UBASH3A: variants seen among roughly 807,000 people sequenced by gnomAD.
UBASH3A encodes ubiquitin-associated and SH3 domain-containing protein A.
In UBASH3A, 63 loss-of-function variants were observed where a neutral mutation model predicts 73.5. The ratio of observed to expected loss-of-function variants is 0.86; its 90% CI spans 0.70 to 1.06. The LOEUF (loss-of-function observed/expected upper bound fraction) is 1.06. Ranked by LOEUF, UBASH3A falls within the 50% of genes least tolerant of loss-of-function variation. UBASH3A has a pLI of 0.00. For synonymous variants in UBASH3A, 363 were observed against 351.1 expected, an observed-to-expected ratio of 1.03 and a Z score of -0.38; for missense variants, 860 against 859.0, an observed-to-expected ratio of 1.00 and a Z score of -0.02.
intron 7 of UBASH3A, among the ~76,000 whole-genome samples, chr21:42,422,008 A>G (rs1296159969): frequency 1.3e-5 from 2 of 152,212 alleles, no homozygotes; most frequent in Non-Finnish European, 2.9e-5. Flanking sequence ...TTTAAGTATT[A>G]TATTTCTTTT....
intron 7 of UBASH3A, among the ~76,000 whole-genome samples, chr21:42,424,028 A>G (rs1322689016): frequency 6.6e-6 from 1 of 152,146 alleles, no homozygotes; most frequent in Non-Finnish European, 1.5e-5. Flanking sequence ...TCGGAAAATG[A>G]TCCTTGAATG....
intron 5 of UBASH3A, among the ~76,000 whole-genome samples, chr21:42,415,455 C>T (rs1038991391): frequency 1.3e-5 from 2 of 152,202 alleles, no homozygotes; most frequent in African/African-American, 4.8e-5. Flanking sequence ...TCACCTCTCA[C>T]GTGGGAGACA....
At chr21:42,441,888 G>A (rs2053752545) in intron 11 of UBASH3A, among the ~76,000 whole-genome samples, 1 of 152,184 alleles carries the variant, frequency 6.6e-6, no homozygotes, top group Admixed American at 6.5e-5. Context: ...AAAAGAGATG[G>A]CCTTACTTTA....
At chr21:42,422,703 T>G (rs1480417365) in intron 7 of UBASH3A, among the ~76,000 whole-genome samples, 2 of 152,218 alleles carry the variant, frequency 1.3e-5, no homozygotes, top group East Asian at 3.8e-4. Context: ...ATATATTGAT[T>G]TGAAAAAATA....
chr21:42,404,110 C>A (rs1406203791), intron 1 of UBASH3A, 52 bp downstream of exon 1: 14 of 1,113,966 alleles, frequency 1.3e-5, no homozygotes. Context: ...TGGTGCCAGA[C>A]CCTGCTGCGG....
intron 11 of UBASH3A, among the ~76,000 whole-genome samples, chr21:42,437,849 C>T (rs556204545): frequency 6.6e-6 from 1 of 152,202 alleles, no homozygotes; most frequent in Non-Finnish European, 1.5e-5. Context: ...CTTTGGCCTC[C>T]GTCAGCTAGG....
chr21:42,445,015 G>A (rs1357834184), intron 14 of UBASH3A, among the ~76,000 whole-genome samples: 1 of 152,216 alleles, frequency 6.6e-6, no homozygotes, highest in Non-Finnish European at 1.5e-5. Context: ...GGGGCAGGGC[G>A]GCTGATGGAT....
chr21:42,436,150 T>G (rs1300560771), intron 10 of UBASH3A, among the ~76,000 whole-genome samples: 2 of 151,784 alleles, frequency 1.3e-5, no homozygotes, highest in Non-Finnish European at 2.9e-5. Context: ...ATTATAGAGT[T>G]ATAGAGCTAT....
rs1426431920 is a variant in UBASH3A, at chr21:42,434,963, G to A, written c.1393+9G>A. ...CCAGTCCAGAATTGCAGGTATGTTT[G>A]AGGACTGTCTAGTAGGAAAGGTAAC... On this transcript the variant is annotated intron_variant, in intron 10 of 14. Coordinates refer to ENST00000319294, the MANE Select transcript of UBASH3A (RefSeq NM_018961.4). 3 of 1,613,826 alleles carry A rather than the reference G, an allele frequency of 1.9e-6. No individual in the cohort carries two copies. Among genetic ancestry groups the A allele is most frequent in the Non-Finnish European group, 2.5e-6 (3 of 1,179,900 alleles).
At chr21:42,405,104 T>G (rs902190912) in intron 1 of UBASH3A, among the ~76,000 whole-genome samples, 1 of 152,194 alleles carries the variant, frequency 6.6e-6, no homozygotes, top group African/African-American at 2.4e-5. Context: ...TAACAAAAGC[T>G]TGGCCAAATT....
At position 42,410,345 on chromosome 21, in the gene UBASH3A, A is replaced by G. The variant is rs756051652; in HGVS notation, c.354+737A>G. The G allele has an allele frequency of 5.6e-5, 33 of 587,996 alleles. 1 individual carries two copies. Among genetic ancestry groups the G allele is most frequent in the Non-Finnish European group, 9.4e-5 (31 of 330,056 alleles). The allele number at this position is 587,996 out of a possible 1,614,324, so 36.4% of individuals were successfully genotyped here. A position where few individuals can be genotyped will look rare whatever the true frequency, so the allele number is the denominator to read the frequency against. On this transcript the variant is annotated intron_variant, in intron 3 of 14. Transcript: ENST00000319294. ...CTTCTGCTACCGCGGCCTGGCCCCA[A>G]CTCTGCTGTTGGCAAACTGATTTGT...
chr21:42,437,457 G>A (rs779013939), intron 10 of UBASH3A, 31 bp from the exon 11 acceptor site: 2 of 1,590,052 alleles, frequency 1.3e-6, no homozygotes, highest in Non-Finnish European at 1.7e-6. Flanking sequence ...ATTATGAAGG[G>A]GCATTTTCTG....
intron 3 of UBASH3A, among the ~76,000 whole-genome samples, chr21:42,411,739 A>C (rs1227116183): frequency 6.6e-6 from 1 of 152,260 alleles, no homozygotes; most frequent in Non-Finnish European, 1.5e-5. Flanking sequence ...TTGATGCTGT[A>C]AAATGAAAAC....
chr21:42,410,196 A>G (rs942957437), intron 3 of UBASH3A: 138 of 700,934 alleles, frequency 2.0e-4, no homozygotes, highest in Non-Finnish European at 3.1e-5. Context: ...AGGCAGCTCT[A>G]CAGGGGCACC....
intron 6 of UBASH3A, chr21:42,417,371 C>G (rs1331134881): frequency 8.2e-6 from 1 of 122,416 alleles, no homozygotes; most frequent in Non-Finnish European, 1.6e-5. Flanking sequence ...TTGCAGTGAG[C>G]AGAGATCGTA....
At chr21:42,432,044 C>A in intron 8 of UBASH3A, 59 bp from the exon 9 acceptor site, 4 of 1,062,830 alleles carry the variant, frequency 3.8e-6, no homozygotes, top group Non-Finnish European at 5.7e-6. Flanking sequence ...GCCATTGGTG[C>A]AAGTCCAGTG....
chr21:42,433,348 A>G (rs1185719953), intron 9 of UBASH3A, among the ~76,000 whole-genome samples: 1 of 152,200 alleles, frequency 6.6e-6, no homozygotes, highest in African/African-American at 2.4e-5. Context: ...AGGGAACACA[A>G]GGGAGATTTG....
At chr21:42,407,407 G>A (rs1383060027) in intron 2 of UBASH3A, among the ~76,000 whole-genome samples, 1 of 152,116 alleles carries the variant, frequency 6.6e-6, no homozygotes, top group African/African-American at 2.4e-5. Context: ...CCTTCACAGA[G>A]TCCACTAAAG....
intron 8 of UBASH3A, among the ~76,000 whole-genome samples, chr21:42,429,097 G>A (rs533524790): frequency 1.3e-5 from 2 of 152,314 alleles, no homozygotes; most frequent in East Asian, 3.9e-4. Flanking sequence ...AGCAGAGGAG[G>A]CCATGCAGCC....
Sources: gnomAD v4.1 joint callset for allele counts (sites outside exome capture counted in the v4.1 genomes callset) on GRCh38, gnomAD v4.1.1 for gene constraint, MANE v1.5 for transcripts, NCBI Gene and HGNC (gene_info 2026-07-23, HGNC 2026-07-21) for gene names.